Variants in NOVA1 observed in about 807,000 individuals in gnomAD.
The protein encoded by NOVA1 is NOVA alternative splicing regulator 1, also known as RNA-binding protein Nova-1.
In NOVA1, 7 loss-of-function variants were observed where a neutral mutation model predicts 38.0. That is an observed-to-expected ratio of 0.18 (90% CI 0.10 to 0.35). The LOEUF is 0.35. Among genes scored for constraint, NOVA1 ranks in the 10% least tolerant of loss-of-function variants. The pLI, the probability that NOVA1 is intolerant of heterozygous loss-of-function variation, is 1.00. For synonymous variants in NOVA1, 270 were observed against 232.5 expected (o/e 1.16, Z -1.47); for missense variants, 460 against 616.0 (o/e 0.75, Z 2.68).
At position 26,453,890 on chromosome 14, in the gene NOVA1, C is replaced by G. The variant is rs190415169; in HGVS notation, c.520-4927G>C. ...CTACACACATATGACATTACACTTACAAAGCAATTCCTATCAACAGTGGAT... is the reference window on the plus strand; with the variant it reads ...CTACACACATATGACATTACACTTAGAAAGCAATTCCTATCAACAGTGGAT... On this transcript the variant is annotated intron_variant, in intron 4 of 4. Transcript: ENST00000539517. Among the ~76,000 whole-genome samples the G allele has an allele frequency of 6.6e-5, 10 of 152,276 alleles. No individual in the cohort carries two copies. The East Asian group carries it at 1.5e-3, about 24-fold the overall frequency.
Position 26,448,722 on chromosome 14 carries a change from C to T in NOVA1, c.761G>A (p.Ser254Asn). 2 of 1,614,208 alleles carry T rather than the reference C, an allele frequency of 1.2e-6. No individual in the cohort carries two copies. Among genetic ancestry groups the T allele is most frequent in the Non-Finnish European group, 1.7e-6 (2 of 1,180,032 alleles). ...CACTGGACCTGTCACATTGGCATAA[C>T]TGATATTGAGACAGCTGCCACTTTG... ...DPQSGSCLNISYANVTGPVAN... is the reference protein window; with the variant it reads ...DPQSGSCLNINYANVTGPVAN... The change falls in exon 5 of 5, where the codon AGT becomes AAT. Residue 254 changes from serine to asparagine, a missense_variant. By Grantham distance (46) the Ser-to-Asn change is conservative. Coordinates refer to ENST00000539517, the MANE Select transcript of NOVA1 (RefSeq NM_002515.3). This position sits in a 1 kb window ranked among gnomAD's most constrained non-coding sequence, Gnocchi z 5.3.
intron 2 of NOVA1, among the ~76,000 whole-genome samples, chr14:26,523,748 A>G (rs922183093): frequency 9.2e-6 from 1 of 108,638 alleles, no homozygotes; most frequent in Non-Finnish European, 1.9e-5. Flanking sequence ...CCACTTGAAG[A>G]TTTTTTTTTT....
chr14:26,528,419 T>C (rs178176), intron 2 of NOVA1, among the ~76,000 whole-genome samples: 145,346 of 152,210 alleles, frequency 0.95, 69,742 homozygotes, highest in East Asian at 1. Context: ...TGCTAAGCCA[T>C]GTAGGGCCAA....
At chr14:26,460,361 A>G (rs557867684) in intron 4 of NOVA1, among the ~76,000 whole-genome samples, 1 of 152,144 alleles carries the variant, frequency 6.6e-6, no homozygotes, top group East Asian at 1.9e-4. Context: ...AAACTGTACT[A>G]TTAGTCACAA....
chr14:26,532,059 T>C (rs1401933327), intron 2 of NOVA1, among the ~76,000 whole-genome samples: 2 of 152,186 alleles, frequency 1.3e-5, no homozygotes, highest in East Asian at 1.9e-4. Context: ...AGTACAGTCA[T>C]GGTAAGGATC....
rs1031299166 is a variant in NOVA1 at position 26,505,596 on chromosome 14, C to T, written c.281-25453G>A. Among the ~76,000 whole-genome samples, 26 of 152,206 alleles carry T rather than the reference C, an allele frequency of 1.7e-4. No homozygotes were observed. The Middle Eastern group carries it at 0.014, about 80-fold the overall frequency. On this transcript the variant is annotated intron_variant, in intron 2 of 4. Transcript: ENST00000539517. ...GAAAATGCACTAACACAACACCTTT[C>T]CTTGATTTACTTCTACCAAACACAG...
At chr14:26,490,111 AT>A (rs1367201175) in intron 2 of NOVA1, among the ~76,000 whole-genome samples, 3 of 152,168 alleles carry the variant, frequency 2.0e-5, no homozygotes, top group African/African-American at 7.2e-5. Context: ...ATCACACAAT[AT>A]CTGTCTGGTG....
intron 2 of NOVA1, among the ~76,000 whole-genome samples, chr14:26,563,269 T>A (rs1891935687): frequency 6.6e-6 from 1 of 150,658 alleles, no homozygotes; most frequent in Non-Finnish European, 1.5e-5. Flanking sequence ...ACAATTAACA[T>A]CTTCACAGAC....
rs776070840 is a variant in NOVA1, at chr14:26,597,401, G to T, written c.36C>A (p.Thr12=). Residue 12 remains threonine (T), a synonymous_variant, in exon 1 of 5, where the codon ACC becomes ACA. Coordinates refer to ENST00000539517, the MANE Select transcript of NOVA1 (RefSeq NM_002515.3). ...CCAGGTCTATGGGAACCCCAGTGTG[G>T]GTCCCGTTCTGCTGGATGGGAGCTG... ...MAAAPIQQNG[T]HTGVPIDLDP... is the part of the protein sequence containing the mutation. 1.0e-5 allele frequency: 13 copies of T among 1,283,618 alleles called. No homozygotes were observed. In the African/African-American group the frequency reaches 2.0e-4, roughly 19 times the overall value. 79.5% of individuals were successfully genotyped at this position (1,283,618 alleles called of 1,614,324 possible).
At chr14:26,566,847 C>T (rs977784861) in intron 2 of NOVA1, among the ~76,000 whole-genome samples, 1 of 152,062 alleles carries the variant, frequency 6.6e-6, no homozygotes, top group African/African-American at 2.4e-5. Flanking sequence ...AATGCATTTA[C>T]CCATTTTTAA....
chr14:26,514,163 T>C (rs1888293085), intron 2 of NOVA1, among the ~76,000 whole-genome samples: 2 of 151,724 alleles, frequency 1.3e-5, no homozygotes, highest in East Asian at 1.9e-4. Context: ...AACCAAATTA[T>C]ATCAAAATCA....
chr14:26,450,564 T>C (rs1386163234), intron 4 of NOVA1, among the ~76,000 whole-genome samples: 1 of 152,164 alleles, frequency 6.6e-6, no homozygotes, highest in Admixed American at 6.5e-5. Context: ...CTTGGGAATG[T>C]TAAACATAAA....
chr14:26,485,343 G>A (rs927363472), intron 2 of NOVA1, among the ~76,000 whole-genome samples: 5 of 151,748 alleles, frequency 3.3e-5, no homozygotes, highest in African/African-American at 1.2e-4. Context: ...ATCATTCAAC[G>A]AACATAAAAA....
At chr14:26,596,853 C>T in intron 1 of NOVA1, 16 of 1,114,988 alleles carry the variant, frequency 1.4e-5, no homozygotes, top group Non-Finnish European at 1.8e-5. Context: ...TCTCCGGCGC[C>T]CCAGTCATTC....
At chr14:26,563,251 A>C (rs1482605009) in intron 2 of NOVA1, among the ~76,000 whole-genome samples, 1 of 152,020 alleles carries the variant, frequency 6.6e-6, no homozygotes, top group South Asian at 2.1e-4. Context: ...AAGCAACCTT[A>C]AGGCAAAACA....
At chr14:26,588,643 A>C (rs1169046801) in intron 2 of NOVA1, among the ~76,000 whole-genome samples, 1 of 151,600 alleles carries the variant, frequency 6.6e-6, no homozygotes, top group East Asian at 1.9e-4. Context: ...CAGTCTTAAA[A>C]TGTTTGTTCT....
chr14:26,532,695 A>G (rs1889807608), intron 2 of NOVA1, among the ~76,000 whole-genome samples: 1 of 152,146 alleles, frequency 6.6e-6, no homozygotes, highest in Non-Finnish European at 1.5e-5. Context: ...TCACCTTTAT[A>G]AGACATGTTT....
chr14:26,566,739 T>C (rs528953861), intron 2 of NOVA1, among the ~76,000 whole-genome samples: 1 of 152,290 alleles, frequency 6.6e-6, no homozygotes, highest in East Asian at 1.9e-4. Context: ...GCATTTCTTG[T>C]TGACAATGGC....
intron 2 of NOVA1, among the ~76,000 whole-genome samples, chr14:26,484,990 C>G (rs1188324322): frequency 1.3e-5 from 2 of 151,430 alleles, no homozygotes; most frequent in Admixed American, 6.6e-5. Context: ...AGCTCATATT[C>G]TAGTTCATGT....
Sources: gnomAD v4.1 joint callset for allele counts (sites outside exome capture counted in the v4.1 genomes callset) on GRCh38, gnomAD v4.1.1 for gene constraint, Gnocchi (gnomAD v3.1) non-coding constraint, MANE v1.5 for transcripts, NCBI Gene and HGNC (gene_info 2026-07-23, HGNC 2026-07-21) for gene names.